The following PARD3B variants were observed in gnomAD, a reference collection of about 807,000 sequenced individuals.
The protein encoded by PARD3B is par-3 family cell polarity regulator beta, also known as partitioning defective 3 homolog B.
In PARD3B, 103 loss-of-function variants were observed where a neutral mutation model predicts 130.2. That is an observed-to-expected ratio of 0.79 (90% CI 0.67 to 0.93). The LOEUF (loss-of-function observed/expected upper bound fraction) is 0.93. Ranked by LOEUF, PARD3B falls within the 40% of genes least tolerant of loss-of-function variation. The pLI, the probability that PARD3B is intolerant of heterozygous loss-of-function variation, is 0.00. For missense variants in PARD3B, 1,609 were observed against 1,499.2 expected, an observed-to-expected ratio of 1.07 and a Z score of -1.21; for synonymous variants, 583 against 553.2, an observed-to-expected ratio of 1.05 and a Z score of -0.76.
At position 205,407,427 on chromosome 2, in the gene PARD3B, A is replaced by G. The variant is rs1227379080; in HGVS notation, c.2741+6304A>G. Among the ~76,000 whole-genome samples the G allele has an allele frequency of 6.6e-6, 1 of 152,230 alleles. No homozygotes were observed. The highest frequency in any genetic ancestry group is 2.4e-5 in the African/African-American group (1 of 41,468). On this transcript the variant is annotated intron_variant, in intron 19 of 22. Coordinates refer to ENST00000406610, the MANE Select transcript of PARD3B (RefSeq NM_001302769.2). The surrounding 1 kb of genome is among the most constrained non-coding windows in gnomAD (Gnocchi z 4.1). ...TTTCTTCCAACATTTTTCAAACTAA[A>G]TTAAATTAGCATTTTTCACACATTC...
chr2:204,725,362 TG>T (rs1195002007), intron 2 of PARD3B, among the ~76,000 whole-genome samples: 1 of 152,226 alleles, frequency 6.6e-6, no homozygotes, highest in Non-Finnish European at 1.5e-5. Context: ...CGTACCTTAA[TG>T]TTTCCAATTT....
At chr2:205,313,044 A>G (rs1013362360) in intron 18 of PARD3B, among the ~76,000 whole-genome samples, 16 of 152,212 alleles carry the variant, frequency 1.1e-4, no homozygotes, top group African/African-American at 3.6e-4. Flanking sequence ...CATAATATGG[A>G]TAGATTGTGA....
chr2:205,478,401 T>C (rs1393685288), intron 20 of PARD3B, among the ~76,000 whole-genome samples: 2 of 152,184 alleles, frequency 1.3e-5, no homozygotes, highest in Non-Finnish European at 2.9e-5. Context: ...ACCTAGAGCA[T>C]CACATTGAGT....
intron 2 of PARD3B, among the ~76,000 whole-genome samples, chr2:204,952,895 G>A (rs979526617): frequency 7.9e-5 from 12 of 151,716 alleles, no homozygotes; most frequent in African/African-American, 2.7e-4. Context: ...TACTCAAGAG[G>A]CTGATGCAGG....
At chr2:204,942,085 T>C (rs1379419703) in intron 2 of PARD3B, among the ~76,000 whole-genome samples, 2 of 152,186 alleles carry the variant, frequency 1.3e-5, no homozygotes, top group Admixed American at 6.5e-5. Flanking sequence ...ATTACTACTT[T>C]GTAAAATTGA....
In PARD3B at chr2:205,128,008, T is replaced by G. The variant is rs916442755; in HGVS notation, c.1434+2271T>G. Among the ~76,000 whole-genome samples the G allele has an allele frequency of 1.3e-5, 2 of 152,346 alleles. No homozygotes were observed. Among genetic ancestry groups the G allele is most frequent in the South Asian group, 2.1e-4 (1 of 4,828 alleles). ...ATAAAAAGGGGGGCAGTTATGTGTA[T>G]GCACCACAAGAGGCCCTTTCATTTC... On this transcript the variant is annotated intron_variant, in intron 10 of 22. Coordinates refer to ENST00000406610, the MANE Select transcript of PARD3B (RefSeq NM_001302769.2). This position sits in a 1 kb window ranked among gnomAD's most constrained non-coding sequence, Gnocchi z 4.5.
intron 3 of PARD3B, among the ~76,000 whole-genome samples, chr2:205,002,026 T>C (rs1449958722): frequency 6.6e-6 from 1 of 152,142 alleles, no homozygotes; most frequent in Non-Finnish European, 1.5e-5. Flanking sequence ...TAAACAAAAA[T>C]ATATTTACTC....
rs529515364 is a variant in PARD3B, at chr2:204,711,395, C to A, written c.222+25113C>A. On this transcript the variant is annotated intron_variant, in intron 2 of 22. Transcript: ENST00000406610. ...GTAAATTACATATTAAATGTATGAA[C>A]AGATAATAAAGTTTTTCTAATGAAG... 2.0e-4 allele frequency among the ~76,000 whole-genome samples: 31 copies of A among 152,042 alleles called. No individual in the cohort carries two copies. In the South Asian group the frequency reaches 3.9e-3, roughly 19 times the overall value.
intron 1 of PARD3B, among the ~76,000 whole-genome samples, chr2:204,649,984 T>A (rs764169293): frequency 6.6e-6 from 1 of 151,836 alleles, no homozygotes; most frequent in Non-Finnish European, 1.5e-5. Context: ...GATAACCTAC[T>A]GAACAGGAGA....
At chr2:204,962,042 A>G (rs1309029274) in intron 2 of PARD3B, among the ~76,000 whole-genome samples, 1 of 152,116 alleles carries the variant, frequency 6.6e-6, no homozygotes, top group Non-Finnish European at 1.5e-5. Flanking sequence ...GGTTTGTTTG[A>G]TGGGAGAACT....
chr2:205,538,064 T>G (rs1003284804), intron 21 of PARD3B, among the ~76,000 whole-genome samples: 5 of 152,188 alleles, frequency 3.3e-5, no homozygotes, highest in Non-Finnish European at 7.3e-5. Context: ...AATCATTTAT[T>G]GAGCATGTGT....
rs183965062 is a variant in PARD3B, at chr2:205,379,856, T to A, written c.2631-21157T>A. Among the ~76,000 whole-genome samples, 312 of 151,892 alleles carry A rather than the reference T, an allele frequency of 2.1e-3. 2 individuals carry two copies. Among genetic ancestry groups the A allele is most frequent in the Non-Finnish European group, 3.7e-3 (249 of 67,966 alleles). Reference sequence around the variant, plus strand: ...AGGCCAAAGCGGGTGGATCACAAGTTCAGGAGACTGAGACCATCTTGGCTA... The same window carrying A: ...AGGCCAAAGCGGGTGGATCACAAGTACAGGAGACTGAGACCATCTTGGCTA... On this transcript the variant is annotated intron_variant, in intron 18 of 22. Transcript: ENST00000406610.
chr2:204,733,502 G>GA (rs1559098896), intron 2 of PARD3B, among the ~76,000 whole-genome samples: 7 of 130,012 alleles, frequency 5.4e-5, no homozygotes, highest in African/African-American at 2.0e-4. Flanking sequence ...TTTTTTGGTA[G>GA]AAATTGTCTG....
chr2:205,103,609 A>G, intron 4 of PARD3B: 1 of 638,042 alleles, frequency 1.6e-6, no homozygotes, highest in Non-Finnish European at 2.0e-6. Context: ...ATGAAACCGG[A>G]GTCCACGTGT....
chr2:205,535,409 G>A (rs1053382345), intron 21 of PARD3B, among the ~76,000 whole-genome samples: 1 of 152,152 alleles, frequency 6.6e-6, no homozygotes, highest in African/African-American at 2.4e-5. Flanking sequence ...CATCCTTAGA[G>A]ATGTGTACTA....
At position 204,661,952 on chromosome 2, in the gene PARD3B, T is replaced by C. The variant is rs184541720; in HGVS notation, c.121-24229T>C. The stretch of plus-strand genomic sequence containing the variant: ...GGAAAAGAAAGGATCATTTTAATAC[T>C]CTTTTCAGGTAATTTTGGGTATTCT... On this transcript the variant is annotated intron_variant, in intron 1 of 22. Coordinates refer to ENST00000406610, the MANE Select transcript of PARD3B (RefSeq NM_001302769.2). 3.4e-4 allele frequency among the ~76,000 whole-genome samples: 52 copies of C among 152,298 alleles called. 1 individual carries two copies. The highest frequency in any genetic ancestry group is 3.2e-3 in the Admixed American group (49 of 15,294).
At chr2:205,519,233 T>C (rs1356790396) in intron 21 of PARD3B, among the ~76,000 whole-genome samples, 1 of 152,206 alleles carries the variant, frequency 6.6e-6, no homozygotes, top group Non-Finnish European at 1.5e-5. Context: ...TGATTTGGTC[T>C]CTTTTCATAA....
chr2:205,092,678 A>C (rs941416643), intron 4 of PARD3B, among the ~76,000 whole-genome samples: 7 of 152,132 alleles, frequency 4.6e-5, no homozygotes, highest in Non-Finnish European at 1.0e-4. Flanking sequence ...GAGGTTCAAA[A>C]CAGATTTTCT....
intron 1 of PARD3B, among the ~76,000 whole-genome samples, chr2:204,640,227 A>C (rs899394053): frequency 6.6e-6 from 1 of 152,046 alleles, no homozygotes; most frequent in Non-Finnish European, 1.5e-5. Context: ...CTGCATTGCA[A>C]CCTGTGCAAC....
Sources: allele counts gnomAD v4.1 joint callset (sites outside exome capture counted in the v4.1 genomes callset), GRCh38; gene constraint gnomAD v4.1.1; non-coding constraint Gnocchi (gnomAD v3.1); transcripts MANE v1.5; gene names NCBI Gene and HGNC (gene_info 2026-07-23, HGNC 2026-07-21).